Variants in KCNIP1 observed in about 807,000 individuals in gnomAD.
KCNIP1 encodes A-type potassium channel modulatory protein KCNIP1.
Under a neutral mutation model 33.0 loss-of-function variants are expected in KCNIP1, and 18 were observed. The observed-to-expected ratio is 0.55, with a 90% CI of 0.38 to 0.81. KCNIP1 has a LOEUF of 0.81. KCNIP1 is among the 30% of genes least tolerant of loss of function. The pLI, the probability that KCNIP1 is intolerant of heterozygous loss-of-function variation, is 0.00. For synonymous variants in KCNIP1, 93 were observed against 98.3 expected (o/e 0.95, Z 0.32); for missense variants, 238 against 271.6 (o/e 0.88, Z 0.87).
At chr5:170,528,820 C>T (rs1485553158) in intron 1 of KCNIP1, among the ~76,000 whole-genome samples, 5 of 152,116 alleles carry the variant, frequency 3.3e-5, no homozygotes, top group African/African-American at 4.8e-5. Context: ...GTTGTGCTGG[C>T]GCTGTCTCTG....
chr5:170,473,745 G>T (rs952810817), intron 1 of KCNIP1, among the ~76,000 whole-genome samples: 7 of 151,952 alleles, frequency 4.6e-5, no homozygotes, highest in Admixed American at 4.6e-4. Flanking sequence ...CCTTTCCCTC[G>T]ACTGCACTTC....
chr5:170,388,545 G>C (rs1239078714), intron 1 of KCNIP1, among the ~76,000 whole-genome samples: 1 of 152,236 alleles, frequency 6.6e-6, no homozygotes, highest in African/African-American at 2.4e-5. Flanking sequence ...TGAGATCTGG[G>C]ATAGATTCAG....
At chr5:170,569,504 C>T (rs538521357) in intron 1 of KCNIP1, among the ~76,000 whole-genome samples, 45 of 152,240 alleles carry the variant, frequency 3.0e-4, no homozygotes, top group Admixed American at 7.9e-4. Flanking sequence ...GCTGCAGTTT[C>T]TTCATGTGTC....
Position 170,357,340 on chromosome 5 carries a change from A to G in KCNIP1, c.88+3376A>G, listed in dbSNP as rs12515087. Among the ~76,000 whole-genome samples, 1,195 of 152,248 alleles carry G rather than the reference A, an allele frequency of 7.8e-3. 59 individuals carry two copies. Among genetic ancestry groups the G allele is most frequent in the Admixed American group, 0.072 (1,096 of 15,296 alleles). On this transcript the variant is annotated intron_variant, in intron 1 of 7. Transcript: ENST00000377360. ...ATTGTGCAGATAAAGCTCCCTGCCT[A>G]TTAGGTGCTCAGTAGTGTTGATGGA...
intron 1 of KCNIP1, among the ~76,000 whole-genome samples, chr5:170,354,711 G>A (rs1011992765): frequency 6.6e-6 from 1 of 152,214 alleles, no homozygotes; most frequent in African/African-American, 2.4e-5. Context: ...CAGAAAGAAG[G>A]CTAACTCCTC....
chr5:170,464,336 T>C (rs997652763), intron 1 of KCNIP1, among the ~76,000 whole-genome samples: 1 of 152,214 alleles, frequency 6.6e-6, no homozygotes, highest in African/African-American at 2.4e-5. Context: ...ACAGATTTAA[T>C]GCAACCCGTG....
At chr5:170,716,812 A>G (rs904797564) in intron 1 of KCNIP1, among the ~76,000 whole-genome samples, 7 of 152,242 alleles carry the variant, frequency 4.6e-5, no homozygotes, top group African/African-American at 1.7e-4. Flanking sequence ...TGAGGAATTC[A>G]GTCACAGGAA....
At chr5:170,667,895 C>G (rs866478753) in intron 1 of KCNIP1, among the ~76,000 whole-genome samples, 1 of 152,152 alleles carries the variant, frequency 6.6e-6, no homozygotes, top group Admixed American at 6.5e-5. Context: ...GAAAGCCAAC[C>G]CAGAATCACT....
At chr5:170,378,133 GAT>G in intron 1 of KCNIP1, 1 of 152,224 alleles carries the variant, frequency 6.6e-6, no homozygotes, top group Non-Finnish European at 1.5e-5. Flanking sequence ...CTAAAATTTT[GAT>G]GAGTTCTCAT....
At chr5:170,393,662 A>G (rs1022445412) in intron 1 of KCNIP1, among the ~76,000 whole-genome samples, 8 of 152,250 alleles carry the variant, frequency 5.3e-5, no homozygotes, top group African/African-American at 1.9e-4. Flanking sequence ...ATGACAAAGT[A>G]TAACAACAGC....
chr5:170,631,164 A>T (rs1283841787), intron 1 of KCNIP1, among the ~76,000 whole-genome samples: 3 of 152,174 alleles, frequency 2.0e-5, no homozygotes, highest in Non-Finnish European at 4.4e-5. Context: ...TGCCTGGTAC[A>T]AGAGAGAGAA....
chr5:170,515,622 G>T (rs559590855), intron 1 of KCNIP1, among the ~76,000 whole-genome samples: 1 of 152,308 alleles, frequency 6.6e-6, no homozygotes, highest in African/African-American at 2.4e-5. Context: ...ACTATTACTA[G>T]ACCCTTTCCA....
chr5:170,654,592 C>T (rs1453213362), intron 1 of KCNIP1, among the ~76,000 whole-genome samples: 1 of 152,142 alleles, frequency 6.6e-6, no homozygotes, highest in African/African-American at 2.4e-5. Context: ...GTATTCGTTC[C>T]AGCTACTGTT....
intron 1 of KCNIP1, among the ~76,000 whole-genome samples, chr5:170,566,149 C>T (rs1757197531): frequency 6.6e-6 from 1 of 151,812 alleles, no homozygotes; most frequent in Non-Finnish European, 1.5e-5. Flanking sequence ...CCGCCTCAGC[C>T]TCCCGGGTTC....
chr5:170,560,281 G>A (rs1470196158), intron 1 of KCNIP1, among the ~76,000 whole-genome samples: 3 of 152,150 alleles, frequency 2.0e-5, no homozygotes, highest in Non-Finnish European at 4.4e-5. Flanking sequence ...CCAGCGAGAC[G>A]TACATGCCCA....
intron 5 of KCNIP1, among the ~76,000 whole-genome samples, chr5:170,728,651 T>C (rs1764087386): frequency 6.6e-6 from 1 of 152,062 alleles, no homozygotes; most frequent in African/African-American, 2.4e-5. Flanking sequence ...GAAAGAAAAT[T>C]TTGATAAGTA....
At chr5:170,677,333 C>T (rs932717523) in intron 1 of KCNIP1, among the ~76,000 whole-genome samples, 1 of 152,136 alleles carries the variant, frequency 6.6e-6, no homozygotes, top group African/African-American at 2.4e-5. Flanking sequence ...TGCTCTGGAC[C>T]TCTGTGCCAC....
intron 1 of KCNIP1, among the ~76,000 whole-genome samples, chr5:170,437,572 C>T (rs1436624293): frequency 6.6e-6 from 1 of 152,224 alleles, no homozygotes; most frequent in Non-Finnish European, 1.5e-5. Flanking sequence ...GCTGTTGGGC[C>T]AGTGAGCAAG....
At chr5:170,554,991 G>T (rs1294597437) in intron 1 of KCNIP1, among the ~76,000 whole-genome samples, 1 of 152,194 alleles carries the variant, frequency 6.6e-6, no homozygotes, top group African/African-American at 2.4e-5. Context: ...AAGCTGGCTG[G>T]CGAGGAATGG....
Sources: gnomAD v4.1 joint callset for allele counts (sites outside exome capture counted in the v4.1 genomes callset) on GRCh38, gnomAD v4.1.1 for gene constraint, MANE v1.5 for transcripts, NCBI Gene and HGNC (gene_info 2026-07-23, HGNC 2026-07-21) for gene names.